The following ABCB1 variants were observed in gnomAD, a reference collection of about 807,000 sequenced individuals.
The protein encoded by ABCB1 is ATP-dependent translocase ABCB1.
ABCB1 carries 69 observed loss-of-function variants against 142.0 expected under a neutral mutation model. The observed-to-expected ratio is 0.49, with a 90% CI of 0.40 to 0.59. ABCB1 has a LOEUF of 0.59. Among genes scored for constraint, ABCB1 ranks in the 20% least tolerant of loss-of-function variants. The probability of loss-of-function intolerance (pLI) is 0.00; values close to 1 mark genes in which losing one functional copy is unlikely to be tolerated. For missense variants in ABCB1, 1,326 were observed against 1,554.7 expected (o/e 0.85, Z 2.47); for synonymous variants, 532 against 539.2 (o/e 0.99, Z 0.18).
At chr7:87,540,997 G>A (rs766092165) in intron 18 of ABCB1, among the ~76,000 whole-genome samples, 1 of 152,024 alleles carries the variant, frequency 6.6e-6, no homozygotes, top group Non-Finnish European at 1.5e-5. Context: ...TTTAGAACAC[G>A]GGAAGACATT....
chr7:87,636,878 T>G (rs1700378474), intron 1 of ABCB1, among the ~76,000 whole-genome samples: 1 of 152,078 alleles, frequency 6.6e-6, no homozygotes, highest in African/African-American at 2.4e-5. Context: ...GTTTAATTGA[T>G]TCATTGGTCT....
At chr7:87,685,282 G>T (rs1827345806) in intron 1 of ABCB1, among the ~76,000 whole-genome samples, 1 of 152,084 alleles carries the variant, frequency 6.6e-6, no homozygotes, top group Non-Finnish European at 1.5e-5. Flanking sequence ...GCAAAGAGCT[G>T]AACAGATATT....
At chr7:87,702,003 CG>C (rs1829086885) in intron 1 of ABCB1, among the ~76,000 whole-genome samples, 1 of 151,492 alleles carries the variant, frequency 6.6e-6, no homozygotes, top group African/African-American at 2.4e-5. Flanking sequence ...ATTAGCCAGG[CG>C]TGGTGGTGGG....
intron 7 of ABCB1, among the ~76,000 whole-genome samples, chr7:87,565,751 G>GTTT (rs535255207): frequency 6.9e-6 from 1 of 145,100 alleles, no homozygotes; most frequent in Non-Finnish European, 1.5e-5. Context: ...TGGAGTTCAA[G>GTTT]TTTTTTTTTT....
chr7:87,597,916 C>G (rs961933888), intron 2 of ABCB1, among the ~76,000 whole-genome samples: 1 of 152,074 alleles, frequency 6.6e-6, no homozygotes, highest in African/African-American at 2.4e-5. Context: ...TCACACACTA[C>G]GTTTGGTAGT....
At chr7:87,535,166 C>T (rs1023411391) in intron 20 of ABCB1, among the ~76,000 whole-genome samples, 8 of 152,182 alleles carry the variant, frequency 5.3e-5, no homozygotes, top group South Asian at 4.2e-4. Flanking sequence ...TTGCCCCCTT[C>T]GGCCTATTCA....
chr7:87,708,990 T>A (rs769945531), intron 1 of ABCB1, among the ~76,000 whole-genome samples: 14 of 152,218 alleles, frequency 9.2e-5, no homozygotes, highest in Admixed American at 2.0e-4. Flanking sequence ...CTAAATTCCT[T>A]AATCTAGTTT....
intron 1 of ABCB1, chr7:87,659,157 G>A (rs962130604): frequency 5.0e-6 from 2 of 401,570 alleles, no homozygotes; most frequent in East Asian, 8.5e-5. Context: ...ATGAGACCCT[G>A]TCTCAAAACA....
Position 87,550,518 on chromosome 7 carries a change from A to G in ABCB1, c.1174T>C (p.Leu392=), listed in dbSNP as rs1444800110. The G allele has an allele frequency of 1.2e-6, 2 of 1,613,554 alleles. No homozygotes were observed. The highest frequency in any genetic ancestry group is 3.3e-5 in the Admixed American group (2 of 60,030). Residue 392 remains leucine (L), a synonymous_variant, in exon 11 of 28, where the codon TTG becomes CTG. Coordinates refer to ENST00000622132, the MANE Select transcript of ABCB1 (RefSeq NM_001348946.2). ...GHKPDNIKGN[L]EFRNVHFSYP... ...CTGAAGTGAACATTTCTGAATTCCA[A>G]ATTTCCCTTAATATTATCTGGTTTG...
At position 87,564,010 on chromosome 7, in the gene ABCB1, T is replaced by C. The variant is rs1817686534; in HGVS notation, c.702+2060A>G. 3 of 300,806 alleles carry C rather than the reference T, an allele frequency of 1.0e-5. No individual in the cohort carries two copies. In the East Asian group the frequency reaches 3.1e-4, roughly 31 times the overall value. The allele number at this position is 300,806 out of a possible 1,614,324, so 18.6% of individuals were successfully genotyped here. ...GGGGAACAACACACACTGGGGCCTA[T>C]TAGAGGGTGGAGAGTGGGAGGAGGG... On this transcript the variant is annotated intron_variant, in intron 7 of 27. Transcript: ENST00000622132.
chr7:87,662,420 A>AT lies in ABCB1; in HGVS notation c.-331+50740dup, dbSNP rs571475543. On this transcript the variant is annotated intron_variant, in intron 1 of 28. Transcript: ENST00000265724. The stretch of plus-strand genomic sequence containing the variant: ...TCAGTATTTAATCCATTTTGATTTG[A>AT]TTTTTTGTATACAGTGAGAGAGAGG... 2.6e-5 allele frequency among the ~76,000 whole-genome samples: 4 copies of AT among 151,974 alleles called. No individual in the cohort carries two copies. In the South Asian group the frequency reaches 8.3e-4, roughly 32 times the overall value.
At chr7:87,522,717 T>C (rs1016701716) in intron 21 of ABCB1, among the ~76,000 whole-genome samples, 1 of 152,158 alleles carries the variant, frequency 6.6e-6, no homozygotes. Flanking sequence ...TTAAATGTAA[T>C]AGTCTGATCA....
Position 87,515,215 on chromosome 7 carries a change from G to C in ABCB1, c.3282+16C>G. 3.1e-6 allele frequency: 5 copies of C among 1,612,716 alleles called. No homozygotes were observed. Among genetic ancestry groups the C allele is most frequent in the Non-Finnish European group, 4.2e-6 (5 of 1,179,816 alleles). The stretch of plus-strand genomic sequence containing the variant: ...GATGAAAACCTGAACTGAGCTAAAT[G>C]TGAAAGTGTGCTCACCACTTTCCCT... On this transcript the variant is annotated intron_variant, in intron 25 of 27. Coordinates refer to ENST00000622132, the MANE Select transcript of ABCB1 (RefSeq NM_001348946.2).
intron 25 of ABCB1, 83 bp downstream of exon 25, chr7:87,515,148 A>G: frequency 6.5e-7 from 1 of 1,532,036 alleles, no homozygotes; most frequent in Non-Finnish European, 8.9e-7. Context: ...TTGAAAAAAC[A>G]TGGCTTATAG....
At chr7:87,610,912 T>TG (rs1488655511) in intron 1 of ABCB1, among the ~76,000 whole-genome samples, 1 of 152,152 alleles carries the variant, frequency 6.6e-6, no homozygotes, top group Non-Finnish European at 1.5e-5. Flanking sequence ...TAGCATCCCC[T>TG]TTTCCCTTAC....
At chr7:87,514,467 T>G (rs560011015) in intron 25 of ABCB1, among the ~76,000 whole-genome samples, 52 of 152,064 alleles carry the variant, frequency 3.4e-4, no homozygotes, top group African/African-American at 1.2e-3. Flanking sequence ...CATACTTCCA[T>G]GTTCTTTTTA....
intron 1 of ABCB1, among the ~76,000 whole-genome samples, chr7:87,641,725 A>G (rs936732854): frequency 1.3e-5 from 2 of 152,230 alleles, no homozygotes; most frequent in Non-Finnish European, 2.9e-5. Flanking sequence ...ATTTTATGAA[A>G]GAAAGAAAGT....
intron 22 of ABCB1, 88 bp downstream of exon 22, chr7:87,520,688 A>G: frequency 8.4e-7 from 1 of 1,187,344 alleles, no homozygotes; most frequent in Non-Finnish European, 1.3e-6. Context: ...CTTGCTCCCT[A>G]CCTTCTAGCC....
chr7:87,535,405 G>A (rs1816246183), intron 20 of ABCB1, among the ~76,000 whole-genome samples: 1 of 150,530 alleles, frequency 6.6e-6, no homozygotes, highest in Non-Finnish European at 1.5e-5. Context: ...TGCAATCTCA[G>A]CTCTGCAACC....
Sources: allele counts gnomAD v4.1 joint callset (sites outside exome capture counted in the v4.1 genomes callset), GRCh38; gene constraint gnomAD v4.1.1; transcripts MANE v1.5; gene names NCBI Gene and HGNC (gene_info 2026-07-23, HGNC 2026-07-21).